The following ZDHHC20 variants were observed in gnomAD, a reference collection of about 807,000 sequenced individuals.
ZDHHC20 encodes zDHHC palmitoyltransferase 20.
ZDHHC20 carries 43 observed loss-of-function variants against 57.8 expected under a neutral mutation model. The ratio of observed to expected loss-of-function variants is 0.74; its 90% CI spans 0.58 to 0.96. The LOEUF (loss-of-function observed/expected upper bound fraction) is 0.96. ZDHHC20 is among the 40% of genes least tolerant of loss of function. The pLI is 0.00. For missense variants in ZDHHC20, 391 were observed against 441.1 expected, an observed-to-expected ratio of 0.89 and a Z score of 1.02; for synonymous variants, 157 against 153.0, an observed-to-expected ratio of 1.03 and a Z score of -0.19.
chr13:21,413,504 G>T, intron 4 of ZDHHC20, 148 bp downstream of exon 4: 1 of 481,180 alleles, frequency 2.1e-6, no homozygotes. Context: ...CTGAAATACA[G>T]TAAGGAAACA....
chr13:21,399,082 C>T (rs1380538503), intron 7 of ZDHHC20, among the ~76,000 whole-genome samples: 2 of 152,202 alleles, frequency 1.3e-5, no homozygotes, highest in African/African-American at 4.8e-5. Flanking sequence ...GTGGCTCACA[C>T]TTGTAATCCC....
intron 7 of ZDHHC20, among the ~76,000 whole-genome samples, chr13:21,397,014 T>C (rs1876898025): frequency 6.6e-6 from 1 of 152,212 alleles, no homozygotes; most frequent in South Asian, 2.1e-4. Context: ...ACTCCAAAAG[T>C]CACCTTTTTA....
At chr13:21,449,797 A>T (rs1289951608) in intron 1 of ZDHHC20, among the ~76,000 whole-genome samples, 1 of 151,748 alleles carries the variant, frequency 6.6e-6, no homozygotes, top group Non-Finnish European at 1.5e-5. Flanking sequence ...GGTGTGTGCT[A>T]ATTTTTGTAT....
intron 4 of ZDHHC20, among the ~76,000 whole-genome samples, chr13:21,405,216 T>G (rs1254553847): frequency 6.6e-6 from 1 of 152,174 alleles, no homozygotes; most frequent in Non-Finnish European, 1.5e-5. Context: ...TTTACACAAA[T>G]ATCTACTTAT....
intron 7 of ZDHHC20, among the ~76,000 whole-genome samples, chr13:21,397,782 ACATGCCAGT>A (rs1877034525): frequency 6.6e-6 from 1 of 152,176 alleles, no homozygotes; most frequent in Non-Finnish European, 1.5e-5. Context: ...CACAAAAAAG[ACATGCCAGT>A]AGCTAGCAAG....
intron 1 of ZDHHC20, among the ~76,000 whole-genome samples, chr13:21,451,786 T>C (rs1748513959): frequency 6.6e-6 from 1 of 151,888 alleles, no homozygotes. Context: ...GGTCAGGAGT[T>C]CAAGACTAGC....
At chr13:21,448,693 G>A (rs1177252237) in intron 1 of ZDHHC20, among the ~76,000 whole-genome samples, 4 of 99,828 alleles carry the variant, frequency 4.0e-5, no homozygotes, top group East Asian at 4.4e-4. Context: ...CCCTTTGCCC[G>A]GCCACCACCC....
intron 1 of ZDHHC20, among the ~76,000 whole-genome samples, chr13:21,435,504 C>G (rs1882450892): frequency 1.3e-5 from 2 of 152,036 alleles, no homozygotes; most frequent in South Asian, 4.1e-4. Context: ...TCCTACTGGC[C>G]AAATCTGGGA....
At position 21,393,699 on chromosome 13, in the gene ZDHHC20, C is replaced by CAAAAAAAAAAAAAA. The variant is rs71093307; in HGVS notation, c.595-1859_595-1846dup. ...AGCCTGGGCGACACAGCAAGTCTCA[C>CAAAAAAAAAAAAAA]AAAAAAAAAAAAAAAAAAAAAAAAA... On this transcript the variant is annotated intron_variant, in intron 7 of 12. Coordinates refer to ENST00000400590, the MANE Select transcript of ZDHHC20 (RefSeq NM_001330059.2). Among the ~76,000 whole-genome samples, 60 of 63,414 alleles carry CAAAAAAAAAAAAAA rather than the reference C, an allele frequency of 9.5e-4. 5 individuals carry two copies. The highest frequency in any genetic ancestry group is 4.2e-3 in the African/African-American group (56 of 13,320). The allele number at this position is 63,414 out of a possible 152,430, so 41.6% of individuals were successfully genotyped here.
At chr13:21,415,959 T>C (rs1048873356) in intron 3 of ZDHHC20, among the ~76,000 whole-genome samples, 26 of 152,144 alleles carry the variant, frequency 1.7e-4, no homozygotes, top group Admixed American at 1.2e-3. Flanking sequence ...TCCCAGCACT[T>C]TGGGAGGCCG....
chr13:21,384,794 C>T (rs994094458), intron 9 of ZDHHC20, among the ~76,000 whole-genome samples: 5 of 152,090 alleles, frequency 3.3e-5, no homozygotes, highest in African/African-American at 7.2e-5. Flanking sequence ...CTGGACTCAA[C>T]GTAATAAAGC....
intron 5 of ZDHHC20, 120 bp from the exon 6 acceptor site, chr13:21,401,805 C>T (rs908809491): frequency 1.2e-6 from 1 of 828,728 alleles, no homozygotes; most frequent in Non-Finnish European, 1.8e-6. Context: ...AGAGAATCAA[C>T]CCAGAAACTA....
rs1051143926 is a variant in ZDHHC20 at position 21,372,706 on chromosome 13, A to C, written c.*3990T>G. The stretch of plus-strand genomic sequence containing the variant: ...CAAAGCAAAGCATCAACATTAAGTC[A>C]CAGGCTAGGATTATACAAATAAGAA... On this transcript the variant is annotated 3_prime_UTR_variant, in exon 13 of 13. Transcript: ENST00000400590. The C allele has an allele frequency of 3.3e-5, 5 of 152,240 alleles. No homozygotes were observed. Among genetic ancestry groups the C allele is most frequent in the African/African-American group, 4.8e-5 (2 of 41,480 alleles). 9.4% of individuals were successfully genotyped at this position (152,240 alleles called of 1,614,324 possible). A position where few individuals can be genotyped will look rare whatever the true frequency, so the allele number is the denominator to read the frequency against.
chr13:21,448,204 C>T (rs1224471197), intron 1 of ZDHHC20, among the ~76,000 whole-genome samples: 2 of 97,396 alleles, frequency 2.1e-5, no homozygotes, highest in East Asian at 4.6e-4. Context: ...GGGGGTCAGC[C>T]CCCCGCCCGG....
intron 1 of ZDHHC20, among the ~76,000 whole-genome samples, chr13:21,435,905 G>A (rs758669316): frequency 2.0e-5 from 3 of 152,196 alleles, no homozygotes; most frequent in Non-Finnish European, 2.9e-5. Flanking sequence ...AAAGGAAGGG[G>A]GAAGAGGTAT....
At chr13:21,379,415 G>A (rs1872828049) in intron 11 of ZDHHC20, among the ~76,000 whole-genome samples, 1 of 151,950 alleles carries the variant, frequency 6.6e-6, no homozygotes, top group African/African-American at 2.4e-5. Flanking sequence ...CTGAATAGCT[G>A]GGACTACAGA....
intron 3 of ZDHHC20, among the ~76,000 whole-genome samples, chr13:21,420,157 C>T (rs879522066): frequency 6.6e-6 from 1 of 152,090 alleles, no homozygotes; most frequent in Non-Finnish European, 1.5e-5. Context: ...CATGGTGATG[C>T]GTGCCTGTAA....
At chr13:21,393,539 T>C (rs1876167704) in intron 7 of ZDHHC20, among the ~76,000 whole-genome samples, 1 of 149,168 alleles carries the variant, frequency 6.7e-6, no homozygotes, top group Admixed American at 6.7e-5. Context: ...ACCCCGTCTC[T>C]ACTAAAAATG....
At chr13:21,443,132 C>A (rs990729087) in intron 1 of ZDHHC20, among the ~76,000 whole-genome samples, 29 of 152,178 alleles carry the variant, frequency 1.9e-4, no homozygotes, top group African/African-American at 7.0e-4. Context: ...CAGCTGTATC[C>A]TTCCAGCTAT....
Sources: allele counts gnomAD v4.1 joint callset (sites outside exome capture counted in the v4.1 genomes callset), GRCh38; gene constraint gnomAD v4.1.1; transcripts MANE v1.5; gene names NCBI Gene and HGNC (gene_info 2026-07-23, HGNC 2026-07-21).